Variants in PTPRD observed in about 807,000 individuals in gnomAD.
The protein encoded by PTPRD is protein tyrosine phosphatase receptor type D, also known as receptor-type tyrosine-protein phosphatase delta.
In PTPRD, 34 loss-of-function variants were observed where a neutral mutation model predicts 214.5. That is an observed-to-expected ratio of 0.16 (90% CI 0.12 to 0.21). The LOEUF is 0.21. Among genes scored for constraint, PTPRD ranks in the 10% least tolerant of loss-of-function variants. PTPRD has a pLI of 1.00. For synonymous variants in PTPRD, 1,128 were observed against 845.7 expected (o/e 1.33, Z -5.79); for missense variants, 2,545 against 2,398.7 (o/e 1.06, Z -1.27).
At chr9:8,436,457 A>C (rs1291198786) in intron 35 of PTPRD, 135 bp downstream of exon 35, 2 of 632,626 alleles carry the variant, frequency 3.2e-6, no homozygotes, top group African/African-American at 3.7e-5. Flanking sequence ...TTGACGGTTC[A>C]TTATACATTT....
At chr9:8,832,116 G>T (rs1007941744) in intron 11 of PTPRD, among the ~76,000 whole-genome samples, 1 of 151,424 alleles carries the variant, frequency 6.6e-6, no homozygotes, top group African/African-American at 2.4e-5. Context: ...GTGTGTGTGT[G>T]TGTGTGTGTG....
rs369177254 is a variant in PTPRD at position 9,838,530 on chromosome 9, C to A, written c.-367-71679G>T. ...TTCTCTGATGGCCAGTGATGGTGAG[C>A]ATTTTTTCATGTGTTTTTTGGCTGC... On this transcript the variant is annotated intron_variant, in intron 5 of 45. Coordinates refer to ENST00000381196, the MANE Select transcript of PTPRD (RefSeq NM_002839.4). 2.5e-3 allele frequency among the ~76,000 whole-genome samples: 373 copies of A among 152,192 alleles called. 1 individual carries two copies. Among genetic ancestry groups the A allele is most frequent in the African/African-American group, 8.2e-3 (341 of 41,520 alleles).
chr9:9,177,438 T>C (rs2099925580), intron 10 of PTPRD, among the ~76,000 whole-genome samples: 1 of 152,136 alleles, frequency 6.6e-6, no homozygotes, highest in Non-Finnish European at 1.5e-5. Flanking sequence ...AGAAGTGAAC[T>C]GATAAGTACT....
In PTPRD at chr9:10,472,318, C is replaced by A. The variant is rs115507960; in HGVS notation, c.-599-131301G>T. Among the ~76,000 whole-genome samples, 700 of 152,192 alleles carry A rather than the reference C, an allele frequency of 4.6e-3. 3 individuals carry two copies. Among genetic ancestry groups the A allele is most frequent in the African/African-American group, 0.016 (662 of 41,534 alleles). ...TATTCTCTAAAATCCAGGACAATGA[C>A]ACCTTGAAATTAAATGTTTGTACTA... On this transcript the variant is annotated intron_variant, in intron 2 of 45. Coordinates refer to ENST00000381196, the MANE Select transcript of PTPRD (RefSeq NM_002839.4).
intron 9 of PTPRD, among the ~76,000 whole-genome samples, chr9:9,318,237 A>C (rs77705587): frequency 1.3e-5 from 2 of 151,788 alleles, no homozygotes; most frequent in Non-Finnish European, 2.9e-5. Flanking sequence ...AAAAAAAAAA[A>C]ACACCAAAAA....
At chr9:8,878,103 C>A (rs1457149960) in intron 11 of PTPRD, among the ~76,000 whole-genome samples, 6 of 152,126 alleles carry the variant, frequency 3.9e-5, no homozygotes, top group Non-Finnish European at 5.9e-5. Flanking sequence ...TGTATTAATC[C>A]TCTGGAAGAT....
chr9:8,733,998 A>T (rs1164667522), intron 11 of PTPRD, 52 bp from the exon 12 acceptor site: 2 of 700,600 alleles, frequency 2.9e-6, no homozygotes, highest in African/African-American at 1.8e-5. Context: ...AAAAGTGCTT[A>T]GATTTCTTAC....
At chr9:9,929,312 C>T (rs546622183) in intron 5 of PTPRD, among the ~76,000 whole-genome samples, 1 of 152,294 alleles carries the variant, frequency 6.6e-6, no homozygotes, top group South Asian at 2.1e-4. Flanking sequence ...CTCAGTCAAC[C>T]TGGGCAGCCC....
chr9:8,354,825 C>T (rs1330261132), intron 39 of PTPRD, among the ~76,000 whole-genome samples: 3 of 152,274 alleles, frequency 2.0e-5, no homozygotes, highest in Non-Finnish European at 2.9e-5. Flanking sequence ...CCAAGGTCCA[C>T]GATTCTATCA....
At chr9:9,182,734 A>G (rs2099928948) in intron 10 of PTPRD, among the ~76,000 whole-genome samples, 1 of 152,042 alleles carries the variant, frequency 6.6e-6, no homozygotes, top group African/African-American at 2.4e-5. Context: ...AATAGCAAAA[A>G]TTTTGTCACA....
chr9:9,900,016 G>C lies in PTPRD; in HGVS notation c.-368+38491C>G, dbSNP rs571373458. 3.3e-5 allele frequency among the ~76,000 whole-genome samples: 5 copies of C among 152,160 alleles called. No individual in the cohort carries two copies. The South Asian group carries it at 1.0e-3, about 32-fold the overall frequency. On this transcript the variant is annotated intron_variant, in intron 5 of 45. Transcript: ENST00000381196. The stretch of plus-strand genomic sequence containing the variant: ...AGTAGAATAATAGTTACCAGAGGCT[G>C]GGGGGAAAACAAGAAAAAAATGAAA...
intron 2 of PTPRD, among the ~76,000 whole-genome samples, chr9:10,488,051 C>G (rs933903153): frequency 2.0e-5 from 3 of 146,718 alleles, no homozygotes; most frequent in African/African-American, 7.7e-5. Flanking sequence ...ACACAAGCAA[C>G]CCTGTGGCCA....
intron 5 of PTPRD, among the ~76,000 whole-genome samples, chr9:9,772,758 T>C (rs180867340): frequency 3.9e-5 from 6 of 152,322 alleles, no homozygotes; most frequent in Admixed American, 1.3e-4. Context: ...TGTGATAAAA[T>C]TGCCATCTTC....
chr9:10,608,697 T>C (rs1240578945), intron 2 of PTPRD, among the ~76,000 whole-genome samples: 1 of 152,126 alleles, frequency 6.6e-6, no homozygotes, highest in East Asian at 1.9e-4. Context: ...CTTCCAATTG[T>C]AGTGATGAAA....
At chr9:8,792,514 G>C (rs956146677) in intron 11 of PTPRD, among the ~76,000 whole-genome samples, 1 of 152,152 alleles carries the variant, frequency 6.6e-6, no homozygotes, top group Non-Finnish European at 1.5e-5. Context: ...GGAAGACAAT[G>C]AGGAAATATT....
intron 37 of PTPRD, among the ~76,000 whole-genome samples, chr9:8,386,437 C>T (rs2087089896): frequency 6.6e-6 from 1 of 152,218 alleles, no homozygotes; most frequent in South Asian, 2.1e-4. Context: ...ATATTTTCTT[C>T]ATGTACCATA....
intron 12 of PTPRD, among the ~76,000 whole-genome samples, chr9:8,655,908 T>C (rs1218808608): frequency 6.6e-6 from 1 of 152,138 alleles, no homozygotes; most frequent in Non-Finnish European, 1.5e-5. Flanking sequence ...CATGACCTTG[T>C]TCGAGAATCT....
At chr9:10,503,928 A>G (rs2044815435) in intron 2 of PTPRD, among the ~76,000 whole-genome samples, 1 of 151,560 alleles carries the variant, frequency 6.6e-6, no homozygotes, top group Non-Finnish European at 1.5e-5. Flanking sequence ...CATCCTGGCT[A>G]ACACGGTGAA....
At chr9:9,757,934 T>A (rs2098603766) in intron 6 of PTPRD, among the ~76,000 whole-genome samples, 1 of 152,048 alleles carries the variant, frequency 6.6e-6, no homozygotes, top group Admixed American at 6.6e-5. Flanking sequence ...CCTGGGGGGT[T>A]CCTAGAACCC....
Sources: gnomAD v4.1 joint callset for allele counts (sites outside exome capture counted in the v4.1 genomes callset) on GRCh38, gnomAD v4.1.1 for gene constraint, MANE v1.5 for transcripts, NCBI Gene and HGNC (gene_info 2026-07-23, HGNC 2026-07-21) for gene names.